The following FBXO34 variants were observed in gnomAD, a reference collection of about 807,000 sequenced individuals.
The protein encoded by FBXO34 is F-box protein 34.
A neutral mutation model predicts 24.5 loss-of-function variants in FBXO34; 12 were observed. That is an observed-to-expected ratio of 0.49 (90% CI 0.31 to 0.79). The LOEUF is 0.79. Among genes scored for constraint, FBXO34 ranks in the 30% least tolerant of loss-of-function variants. The probability of loss-of-function intolerance (pLI) is 0.04; values close to 1 mark genes in which losing one functional copy is unlikely to be tolerated. For synonymous variants in FBXO34, 320 were observed against 311.9 expected (o/e 1.03, Z -0.27); for missense variants, 823 against 857.7 (o/e 0.96, Z 0.51).
intron 1 of FBXO34, chr14:55,285,086 T>A (rs1881711969): frequency 6.7e-6 from 1 of 149,182 alleles, no homozygotes; most frequent in African/African-American, 2.4e-5. Flanking sequence ...TTTCAAGAAT[T>A]GTTCCGGCCG....
In FBXO34 at chr14:55,292,617, G is replaced by A. The variant is rs527578348; in HGVS notation, c.-11+21080G>A. Among the ~76,000 whole-genome samples the A allele has an allele frequency of 7.2e-5, 11 of 152,268 alleles. 1 individual carries two copies. The highest frequency in any genetic ancestry group is 4.1e-4 in the South Asian group (2 of 4,828). ...ACTCAAGACCCTTCTGCCTCCCAAA[G>A]TGCTGGCGTTACAGGTGTGAGCCAC... On this transcript the variant is annotated intron_variant, in intron 1 of 1. Coordinates refer to ENST00000313833, the MANE Select transcript of FBXO34 (RefSeq NM_017943.4).
the FBXO34 span, among the ~76,000 whole-genome samples, chr14:55,412,406 T>C: frequency 1.3e-5 from 2 of 152,204 alleles, no homozygotes; most frequent in East Asian, 3.8e-4. Context: ...ACTTTACCAA[T>C]AGTGAAAACA....
At chr14:55,430,303 C>T in the FBXO34 span, among the ~76,000 whole-genome samples, 29 of 150,048 alleles carry the variant, frequency 1.9e-4, no homozygotes, top group Admixed American at 1.7e-3. Context: ...GTTTGATTCT[C>T]TTATCCAGAT....
At chr14:55,436,825 A>C in the FBXO34 span, 1 of 1,614,252 alleles carries the variant, frequency 6.2e-7, no homozygotes, top group Admixed American at 1.7e-5. Flanking sequence ...TTTGCTAATG[A>C]CAGGCTGGTC....
At chr14:55,407,451 G>C in the FBXO34 span, among the ~76,000 whole-genome samples, 1 of 152,152 alleles carries the variant, frequency 6.6e-6, no homozygotes, top group Non-Finnish European at 1.5e-5. Context: ...TTTTAGTAGA[G>C]ATACGGTTTC....
Position 55,316,724 on chromosome 14 carries a change from C to CAA in FBXO34, c.-10-33645_-10-33644dup, listed in dbSNP as rs61450097. On this transcript the variant is annotated intron_variant, in intron 1 of 1. Coordinates refer to ENST00000313833, the MANE Select transcript of FBXO34 (RefSeq NM_017943.4). Reference sequence around the variant, plus strand: ...CCTGGGCAACAGAGCAGGAACATCTCAAAAAAAAAAAAAGCCATAAAAGAA... The same window carrying CAA: ...CCTGGGCAACAGAGCAGGAACATCTCAAAAAAAAAAAAAAAGCCATAAAAGAA... Among the ~76,000 whole-genome samples the CAA allele has an allele frequency of 6.5e-3, 831 of 127,286 alleles. 7 individuals carry two copies. The highest frequency in any genetic ancestry group is 0.02 in the African/African-American group (674 of 33,998). The allele number at this position is 127,286 out of a possible 152,430, so 83.5% of individuals were successfully genotyped here. A position where few individuals can be genotyped will look rare whatever the true frequency, so the allele number is the denominator to read the frequency against.
intron 1 of FBXO34, among the ~76,000 whole-genome samples, chr14:55,298,208 T>G (rs930319140): frequency 6.6e-6 from 1 of 151,708 alleles, no homozygotes; most frequent in Non-Finnish European, 1.5e-5. Flanking sequence ...ACTGTGAGTT[T>G]TTTTTTTTGC....
intron 1 of FBXO34, among the ~76,000 whole-genome samples, chr14:55,277,710 T>C (rs1447521711): frequency 6.6e-6 from 1 of 152,106 alleles, no homozygotes; most frequent in African/African-American, 2.4e-5. Flanking sequence ...AGGACGCAAG[T>C]TTCTTAGGAG....
intron 1 of FBXO34, among the ~76,000 whole-genome samples, chr14:55,295,353 A>G (rs979459187): frequency 3.5e-5 from 5 of 142,834 alleles, no homozygotes; most frequent in South Asian, 2.2e-4. Flanking sequence ...TATCTATTCT[A>G]TATAATGGCT....
chr14:55,398,505 A>G, the FBXO34 span, among the ~76,000 whole-genome samples: 2 of 152,222 alleles, frequency 1.3e-5, no homozygotes, highest in African/African-American at 4.8e-5. Context: ...ATCTTCCATA[A>G]GAATCCTTCT....
intron 1 of FBXO34, among the ~76,000 whole-genome samples, chr14:55,302,891 G>T (rs963064868): frequency 3.3e-5 from 5 of 152,320 alleles, no homozygotes; most frequent in African/African-American, 1.2e-4. Flanking sequence ...CTTGCCTTTG[G>T]TTTGAACTAG....
chr14:55,291,042 G>C (rs879678295), intron 1 of FBXO34, among the ~76,000 whole-genome samples: 4 of 152,026 alleles, frequency 2.6e-5, no homozygotes, highest in South Asian at 4.2e-4. Context: ...GGCCATGCTC[G>C]TCTTGAACTC....
the FBXO34 span, among the ~76,000 whole-genome samples, chr14:55,402,968 T>C: frequency 3.3e-5 from 2 of 60,988 alleles, no homozygotes; most frequent in East Asian, 9.7e-4. Context: ...TATATATATA[T>C]AAATAGCTGG....
chr14:55,382,495 AT>A, the FBXO34 span, among the ~76,000 whole-genome samples: 4 of 151,334 alleles, frequency 2.6e-5, no homozygotes, highest in African/African-American at 7.3e-5. Flanking sequence ...AACTTAAAAA[AT>A]TTTTTTTTGT....
At chr14:55,275,831 A>AAAAC (rs1259807224) in intron 1 of FBXO34, among the ~76,000 whole-genome samples, 35 of 151,124 alleles carry the variant, frequency 2.3e-4, no homozygotes, top group African/African-American at 8.2e-4. Flanking sequence ...CTCAAAAAAA[A>AAAAC]AAAAAAAAAA....
chr14:55,370,159 C>T (rs2140115573), downstream of FBXO34, among the ~76,000 whole-genome samples: 1 of 152,314 alleles, frequency 6.6e-6, no homozygotes, highest in South Asian at 2.1e-4. Flanking sequence ...ACAAGTCTGC[C>T]TACTTCATTG....
At chr14:55,442,113 G>A in the FBXO34 span, among the ~76,000 whole-genome samples, 129 of 151,676 alleles carry the variant, frequency 8.5e-4, no homozygotes, top group Non-Finnish European at 1.6e-3. Flanking sequence ...AGATTCCCGG[G>A]TGTGGTGGGT....
chr14:55,366,861 G>A (rs533869444), downstream of FBXO34: 1 of 152,536 alleles, frequency 6.6e-6, no homozygotes, highest in Non-Finnish European at 1.5e-5. Context: ...ATTTTAATGA[G>A]CAGCAAAAAG....
downstream of FBXO34, among the ~76,000 whole-genome samples, chr14:55,374,138 C>T (rs1483297964): frequency 6.6e-6 from 1 of 152,212 alleles, no homozygotes; most frequent in Non-Finnish European, 1.5e-5. Context: ...TTCATCGAGC[C>T]TTCCTATTTT....
Sources: allele counts gnomAD v4.1 joint callset (sites outside exome capture counted in the v4.1 genomes callset), GRCh38; gene constraint gnomAD v4.1.1; transcripts MANE v1.5; gene names NCBI Gene and HGNC (gene_info 2026-07-23, HGNC 2026-07-21).